Variants in ERI1 observed in about 807,000 individuals in gnomAD.
The protein encoded by ERI1 is 3'-5' exoribonuclease 1.
A neutral mutation model predicts 39.7 loss-of-function variants in ERI1; 39 were observed. The ratio of observed to expected loss-of-function variants is 0.98; its 90% CI spans 0.76 to 1.28. The LOEUF is 1.28. ERI1 is among the 50% of genes most tolerant of loss of function. The probability of loss-of-function intolerance (pLI) is 0.00; values close to 1 mark genes in which losing one functional copy is unlikely to be tolerated. For synonymous variants in ERI1, 204 were observed against 149.6 expected (o/e 1.36, Z -2.65); for missense variants, 581 against 416.9 (o/e 1.39, Z -3.43).
chr8:9,066,817 T>C lies in ERI1; in HGVS notation n.299+46353T>C, dbSNP rs530783197. On this transcript the variant is annotated intron_variant and non_coding_transcript_variant, in intron 3 of 3. Coordinates refer to the ERI1 transcript ENST00000518663. ...ACAGCTGGCTGGTTTGTCTCTGTGGTGGCTTCTATTTTGGGAAAGTTGGTG... is the reference window on the plus strand; with the variant it reads ...ACAGCTGGCTGGTTTGTCTCTGTGGCGGCTTCTATTTTGGGAAAGTTGGTG... Among the ~76,000 whole-genome samples, 36 of 152,196 alleles carry C rather than the reference T, an allele frequency of 2.4e-4. No individual in the cohort carries two copies. In the South Asian group the frequency reaches 7.3e-3, roughly 31 times the overall value.
At chr8:9,055,191 T>C (rs1798468667) in intron 3 of ERI1, among the ~76,000 whole-genome samples, 1 of 152,016 alleles carries the variant, frequency 6.6e-6, no homozygotes, top group African/African-American at 2.4e-5. Context: ...AACAGGCAGA[T>C]TGGGTATAGG....
intron 4 of ERI1, among the ~76,000 whole-genome samples, chr8:9,016,762 T>G (rs1817336681): frequency 6.6e-6 from 1 of 152,196 alleles, no homozygotes; most frequent in Non-Finnish European, 1.5e-5. Context: ...CTCGGCTCAC[T>G]GCAGCCTCTG....
intron 3 of ERI1, among the ~76,000 whole-genome samples, chr8:9,076,196 G>A (rs1394551231): frequency 1.3e-5 from 2 of 152,054 alleles, no homozygotes; most frequent in Admixed American, 6.5e-5. Flanking sequence ...CTCCTACCTC[G>A]GCCTCCCAAA....
intron 3 of ERI1, among the ~76,000 whole-genome samples, chr8:9,064,623 G>C (rs538539672): frequency 1.3e-5 from 2 of 152,204 alleles, no homozygotes; most frequent in Non-Finnish European, 2.9e-5. Context: ...GGTTGGAGAA[G>C]AGAGTAAGAA....
rs543559179 is a variant in ERI1 at position 9,005,660 on chromosome 8, G to A, written c.109-2310G>A. Among the ~76,000 whole-genome samples the A allele has an allele frequency of 3.8e-4, 58 of 151,766 alleles. No individual in the cohort carries two copies. In the South Asian group the frequency reaches 5.2e-3, roughly 14 times the overall value. On this transcript the variant is annotated intron_variant, in intron 1 of 6. Coordinates refer to ENST00000250263, the MANE Select transcript of ERI1 (RefSeq NM_153332.4). ...CTCCTGAGTAGCTGGGACTACAGGC[G>A]CCCGCCCGGCTAATTTTTTGTATTT...
chr8:9,048,174 G>A (rs1375514917), intron 3 of ERI1, among the ~76,000 whole-genome samples: 1 of 152,220 alleles, frequency 6.6e-6, no homozygotes, highest in East Asian at 1.9e-4. Flanking sequence ...TCTGCGTACT[G>A]GAGTCATCAA....
chr8:9,010,721 C>T (rs2117197883), intron 2 of ERI1, among the ~76,000 whole-genome samples: 1 of 152,248 alleles, frequency 6.6e-6, no homozygotes. Flanking sequence ...AGCCTGAATG[C>T]TGGTTGCAAC....
intron 6 of ERI1, among the ~76,000 whole-genome samples, chr8:9,025,053 A>G (rs1818324971): frequency 6.6e-6 from 1 of 152,282 alleles, no homozygotes; most frequent in South Asian, 2.1e-4. Context: ...CTGGGGGTAG[A>G]GCGTTAAGTC....
At chr8:9,007,830 C>A (rs998702722) in intron 1 of ERI1, 140 bp from the exon 2 acceptor site, 3 of 1,261,958 alleles carry the variant, frequency 2.4e-6, no homozygotes, top group Admixed American at 3.2e-5. Flanking sequence ...CGTTTAGGAG[C>A]TGCAGTGAAC....
chr8:9,062,205 G>C (rs1404435006), intron 3 of ERI1, among the ~76,000 whole-genome samples: 4 of 152,054 alleles, frequency 2.6e-5, no homozygotes. Context: ...GTGGGTAAGG[G>C]TGATTAAGTT....
At chr8:9,063,439 G>A (rs1368624242) in intron 3 of ERI1, among the ~76,000 whole-genome samples, 51 of 152,308 alleles carry the variant, frequency 3.3e-4, no homozygotes, top group African/African-American at 3.8e-4. Context: ...GCCAGACCGG[G>A]TGTGAGGAGG....
At chr8:9,076,786 C>A (rs1258514669) in intron 3 of ERI1, among the ~76,000 whole-genome samples, 1 of 152,184 alleles carries the variant, frequency 6.6e-6, no homozygotes, top group Non-Finnish European at 1.5e-5. Context: ...TGCCAAGAAT[C>A]TTTAGGGGGA....
At chr8:9,035,019 CTG>C (rs746655854), downstream of ERI1, among the ~76,000 whole-genome samples, 22 of 152,330 alleles carry the variant, frequency 1.4e-4, no homozygotes, top group Admixed American at 3.3e-4. Context: ...AAGACTGTAA[CTG>C]TCTCATATTC....
At chr8:9,024,567 C>T (rs1205173247) in intron 6 of ERI1, among the ~76,000 whole-genome samples, 2 of 152,030 alleles carry the variant, frequency 1.3e-5, no homozygotes, top group African/African-American at 2.4e-5. Flanking sequence ...ATTACAGGTG[C>T]CTCCCACCAT....
chr8:9,071,868 C>G (rs1319769293), intron 3 of ERI1, among the ~76,000 whole-genome samples: 1 of 152,164 alleles, frequency 6.6e-6, no homozygotes, highest in Non-Finnish European at 1.5e-5. Context: ...GAGTTCAAGA[C>G]CAGCTTGAGC....
At chr8:9,018,913 C>G (rs1210735505) in intron 5 of ERI1, among the ~76,000 whole-genome samples, 1 of 152,166 alleles carries the variant, frequency 6.6e-6, no homozygotes, top group East Asian at 1.9e-4. Context: ...CCTGACAACG[C>G]CATTGATCTT....
intron 3 of ERI1, among the ~76,000 whole-genome samples, chr8:9,046,566 A>T (rs773118878): frequency 6.6e-6 from 1 of 152,218 alleles, no homozygotes; most frequent in Non-Finnish European, 1.5e-5. Context: ...CTCTTACTCA[A>T]ATAGCATCCC....
downstream of ERI1, among the ~76,000 whole-genome samples, chr8:9,034,675 G>C (rs775027947): frequency 1.9e-4 from 29 of 152,218 alleles, no homozygotes; most frequent in Middle Eastern, 3.4e-3. Context: ...ATTGAAATTA[G>C]GGCAATTAAT....
rs1293713303 is a variant in ERI1 at position 9,020,482 on chromosome 8, A to C, written c.807+18A>C. On this transcript the variant is annotated intron_variant, in intron 6 of 6. Coordinates refer to ENST00000250263, the MANE Select transcript of ERI1 (RefSeq NM_153332.4). ...TTTACAAGGTAAAATTTCTATATTTAATAATTACGTGGTTCTTAATGATAA... is the reference window on the plus strand; with the variant it reads ...TTTACAAGGTAAAATTTCTATATTTCATAATTACGTGGTTCTTAATGATAA... The C allele has an allele frequency of 2.1e-6, 3 of 1,413,464 alleles. No homozygotes were observed. The highest frequency in any genetic ancestry group is 2.9e-5 in the African/African-American group (2 of 69,218). The allele number at this position is 1,413,464 out of a possible 1,614,324, so 87.6% of individuals were successfully genotyped here.
Sources: allele counts gnomAD v4.1 joint callset (sites outside exome capture counted in the v4.1 genomes callset), GRCh38; gene constraint gnomAD v4.1.1; transcripts MANE v1.5; gene names NCBI Gene and HGNC (gene_info 2026-07-23, HGNC 2026-07-21).